Variants in RIMBP2 observed in about 807,000 individuals in gnomAD.
RIMBP2 encodes RIMS binding protein 2.
Under a neutral mutation model 118.6 loss-of-function variants are expected in RIMBP2, and 48 were observed. That is an observed-to-expected ratio of 0.40 (90% confidence interval 0.32 to 0.51). The LOEUF (loss-of-function observed/expected upper bound fraction) is 0.51, where lower values mean the gene tolerates loss of function less well. RIMBP2 is among the 20% of genes least tolerant of loss of function. The pLI, the probability that RIMBP2 is intolerant of heterozygous loss-of-function variation, is 0.41. For synonymous variants in RIMBP2, 762 were observed against 742.9 expected (o/e 1.03, Z -0.42); for missense variants, 1,551 against 1,768.3 (o/e 0.88, Z 2.20).
chr12:130,470,756 G>A lies in RIMBP2; in HGVS notation c.103-13C>T. 2 of 1,225,194 alleles carry A rather than the reference G, an allele frequency of 1.6e-6. No individual in the cohort carries two copies. The highest frequency in any genetic ancestry group is 2.0e-6 in the Non-Finnish European group (2 of 981,778). The allele number at this position is 1,225,194 out of a possible 1,614,324, so 75.9% of individuals were successfully genotyped here. ...CCTCAACCTGAGCCTTTTTTATGAT[G>A]AAAAGAGAGAAAAGAGTAAATGTCC... is the stretch of plus-strand genomic sequence containing the variant. On this transcript the variant is annotated splice_polypyrimidine_tract_variant and intron_variant, in intron 5 of 22. Transcript: ENST00000690449.
rs139348852 is a variant in RIMBP2, at chr12:130,560,752, C to T, written c.-216-42835G>A. On this transcript the variant is annotated intron_variant, in intron 2 of 22. Transcript: ENST00000690449. Reference sequence around the variant, plus strand: ...AACAGGCATAGATCAACCTGTTAGACTCTACCCAAAATATCTCATCGTGGC... The same window carrying T: ...AACAGGCATAGATCAACCTGTTAGATTCTACCCAAAATATCTCATCGTGGC... Among the ~76,000 whole-genome samples, 557 of 152,346 alleles carry T rather than the reference C, an allele frequency of 3.7e-3. 5 individuals are homozygous for T. Among genetic ancestry groups the T allele is most frequent in the South Asian group, 0.033 (157 of 4,828 alleles).
intron 3 of RIMBP2, among the ~76,000 whole-genome samples, chr12:130,508,551 C>T (rs1006174874): frequency 6.6e-6 from 1 of 151,876 alleles, no homozygotes; most frequent in African/African-American, 2.4e-5. Flanking sequence ...TAGGTGTCAC[C>T]TCAGACAGGC....
At chr12:130,428,053 A>C in intron 15 of RIMBP2, 126 bp downstream of exon 15, 1 of 860,156 alleles carries the variant, frequency 1.2e-6, no homozygotes, top group South Asian at 2.1e-5. Context: ...AAGCGAATCC[A>C]AATCCGAGGG....
intron 1 of RIMBP2, among the ~76,000 whole-genome samples, chr12:130,643,484 T>G (rs2062715002): frequency 6.6e-6 from 1 of 152,042 alleles, no homozygotes. Context: ...CCCATGGGAC[T>G]GGGGACAGGA....
chr12:130,574,095 C>A (rs1442460630), intron 2 of RIMBP2, among the ~76,000 whole-genome samples: 1 of 152,124 alleles, frequency 6.6e-6, no homozygotes, highest in Admixed American at 6.5e-5. Context: ...TTACTTTCCC[C>A]CCTTCAGAGG....
In RIMBP2 at chr12:130,414,283, A is replaced by G; in HGVS notation, c.3262T>C (p.Ser1088Pro). 1 of 1,603,152 alleles carries G rather than the reference A, an allele frequency of 6.2e-7. No individual in the cohort carries two copies. Among genetic ancestry groups the G allele is most frequent in the African/African-American group, 1.3e-5 (1 of 74,688 alleles). ...SIDDYGRDRL[S>P]PDFYEESETD... ...TCTGACTCTTCATAGAAGTCTGGAG[A>G]AAGGCGGTCTCGCCCGTAATCGTCT... The change falls in exon 18 of 23, where the codon TCT (serine) becomes CCT (proline). Residue 1088 changes from serine to proline, a missense_variant. This residue lies in a region of RIMBP2 where 1,038 missense variants were observed against 1,125.1 expected (regional missense o/e 0.92). Transcript: ENST00000690449.
At chr12:130,594,422 T>C (rs1255903069) in intron 2 of RIMBP2, among the ~76,000 whole-genome samples, 3 of 152,204 alleles carry the variant, frequency 2.0e-5, no homozygotes, top group African/African-American at 7.2e-5. Flanking sequence ...GCATTGCACA[T>C]AGAAGAGGGA....
At chr12:130,438,334 A>ATCGGGGGGGGCCCCCCCCC in intron 12 of RIMBP2, 31 bp downstream of exon 12, 1 of 1,344,516 alleles carries the variant, frequency 7.4e-7, no homozygotes, top group Non-Finnish European at 1.1e-6. Flanking sequence ...GGGCCTAACA[A>ATCGGGGGGGGCCCCCCCCC]ACCCTCCCCA....
In RIMBP2 at chr12:130,431,496, T is replaced by A. The variant is rs777308272; in HGVS notation, c.2254-3159A>T. The A allele has an allele frequency of 2.9e-6, 1 of 348,396 alleles. No homozygotes were observed. The highest frequency in any genetic ancestry group is 2.4e-5 in the South Asian group (1 of 41,304). The allele number at this position is 348,396 out of a possible 1,614,324, so 21.6% of individuals were successfully genotyped here. A position where few individuals can be genotyped will look rare whatever the true frequency, so the allele number is the denominator to read the frequency against. On this transcript the variant is annotated intron_variant, in intron 14 of 22. Transcript: ENST00000690449. This position sits in a 1 kb window ranked among gnomAD's most constrained non-coding sequence, Gnocchi z 4.0. ...TTTGAATTGAATCAATATTTAACGTTACTTTTAAAGAAAATATCTCAACTG... is the reference window on the plus strand; with the variant it reads ...TTTGAATTGAATCAATATTTAACGTAACTTTTAAAGAAAATATCTCAACTG...
chr12:130,417,644 T>C (rs940398658), intron 17 of RIMBP2, among the ~76,000 whole-genome samples: 1 of 152,232 alleles, frequency 6.6e-6, no homozygotes, highest in Non-Finnish European at 1.5e-5. Context: ...ACCTGGATGA[T>C]GGCATCATTT....
intron 1 of RIMBP2, among the ~76,000 whole-genome samples, chr12:130,701,838 C>T (rs1000270233): frequency 2.6e-5 from 4 of 152,218 alleles, no homozygotes; most frequent in South Asian, 4.2e-4. Context: ...ACCAAGGAGC[C>T]GGGATCAGGG....
intron 5 of RIMBP2, 108 bp downstream of exon 5, chr12:130,478,804 C>T (rs1038210760): frequency 9.8e-6 from 7 of 712,350 alleles, no homozygotes; most frequent in South Asian, 1.7e-5. Flanking sequence ...AGAGAGGGAG[C>T]GGCCTGGGAG....
At chr12:130,535,738 CATATATATATATATAT>C (rs55887629) in intron 2 of RIMBP2, among the ~76,000 whole-genome samples, 68 of 66,718 alleles carry the variant, frequency 1.0e-3, no homozygotes, top group African/African-American at 1.9e-3. Context: ...CATATATATA[CATATATATATATATAT>C]ATATATATAT....
At chr12:130,631,313 G>A (rs2061980493) in intron 1 of RIMBP2, among the ~76,000 whole-genome samples, 2 of 152,122 alleles carry the variant, frequency 1.3e-5, no homozygotes, top group Non-Finnish European at 2.9e-5. Context: ...CAATAACAAC[G>A]TAACAACTAA....
chr12:130,429,503 C>G (rs1330783383), intron 14 of RIMBP2: 1 of 152,164 alleles, frequency 6.6e-6, no homozygotes, highest in South Asian at 2.1e-4. Flanking sequence ...TCGAACTACA[C>G]GTTCTGATGC....
At chr12:130,498,131 G>C (rs1356519621) in intron 4 of RIMBP2, among the ~76,000 whole-genome samples, 1 of 151,828 alleles carries the variant, frequency 6.6e-6, no homozygotes, top group Non-Finnish European at 1.5e-5. Flanking sequence ...CTGACTCCAG[G>C]CCTCCGGCTG....
intron 2 of RIMBP2, among the ~76,000 whole-genome samples, chr12:130,533,506 G>C (rs1284613088): frequency 6.6e-6 from 1 of 152,094 alleles, no homozygotes; most frequent in Non-Finnish European, 1.5e-5. Flanking sequence ...TGTTTCCCAA[G>C]GAACAAAAAA....
intron 2 of RIMBP2, among the ~76,000 whole-genome samples, chr12:130,532,595 T>G (rs1316988487): frequency 5.5e-5 from 7 of 126,498 alleles, no homozygotes; most frequent in Non-Finnish European, 8.3e-5. Flanking sequence ...CCTCTAGGAG[T>G]TACGTCTAAT....
intron 12 of RIMBP2, 24 bp downstream of exon 12, chr12:130,438,341 C>T: frequency 2.2e-6 from 3 of 1,387,638 alleles, no homozygotes; most frequent in South Asian, 1.1e-5. Context: ...ACAAACCCTC[C>T]CCACCCACCC....
Sources: allele counts gnomAD v4.1 joint callset (sites outside exome capture counted in the v4.1 genomes callset), GRCh38; gene constraint gnomAD v4.1.1; regional missense constraint gnomAD v4.1.1; non-coding constraint Gnocchi (gnomAD v3.1); transcripts MANE v1.5; gene names NCBI Gene and HGNC (gene_info 2026-07-23, HGNC 2026-07-21).